Variants in ZFAND3 observed in about 807,000 individuals in gnomAD.
ZFAND3 encodes the protein AN1-type zinc finger protein 3.
ZFAND3 carries 10 observed loss-of-function variants against 29.6 expected under a neutral mutation model. That is an observed-to-expected ratio of 0.34 (90% CI 0.21 to 0.57). The LOEUF (loss-of-function observed/expected upper bound fraction) is 0.57, where lower values mean the gene tolerates loss of function less well. Among genes scored for constraint, ZFAND3 ranks in the 20% least tolerant of loss-of-function variants. ZFAND3 has a pLI of 0.86. For missense variants in ZFAND3, 230 were observed against 304.5 expected (o/e 0.76, Z 1.82); for synonymous variants, 128 against 112.6 (o/e 1.14, Z -0.87).
intron 2 of ZFAND3, among the ~76,000 whole-genome samples, chr6:38,042,140 T>C (rs1483164918): frequency 2.0e-5 from 3 of 151,122 alleles, no homozygotes; most frequent in African/African-American, 7.3e-5. Flanking sequence ...GCCTAATATA[T>C]ATCTTTTGTA....
chr6:38,010,008 G>A (rs956706911), intron 2 of ZFAND3, among the ~76,000 whole-genome samples: 4 of 152,112 alleles, frequency 2.6e-5, no homozygotes, highest in Non-Finnish European at 4.4e-5. Flanking sequence ...ATTTCTGGTC[G>A]CAAAAACATC....
chr6:37,977,522 T>G (rs1762501106), intron 2 of ZFAND3, among the ~76,000 whole-genome samples: 1 of 152,070 alleles, frequency 6.6e-6, no homozygotes, highest in Admixed American at 6.6e-5. Flanking sequence ...AGGCTGGTCT[T>G]GAACTCCTGA....
chr6:37,843,754 T>C (rs1156730909), intron 1 of ZFAND3, among the ~76,000 whole-genome samples: 5 of 152,268 alleles, frequency 3.3e-5, no homozygotes, highest in South Asian at 2.1e-4. Context: ...CTTTTTCTTT[T>C]CTAGCTGAGA....
chr6:38,094,329 G>T (rs926359602), intron 4 of ZFAND3, among the ~76,000 whole-genome samples: 1 of 138,084 alleles, frequency 7.2e-6, no homozygotes, highest in African/African-American at 2.7e-5. Context: ...TAATCCAGAA[G>T]AAAAAAAAAA....
At chr6:37,822,815 C>T (rs1232842251) in intron 1 of ZFAND3, among the ~76,000 whole-genome samples, 2 of 152,102 alleles carry the variant, frequency 1.3e-5, no homozygotes, top group East Asian at 1.9e-4. Flanking sequence ...AGTGAGAGCA[C>T]TACTCATTTG....
chr6:37,909,969 C>G (rs1561930710), intron 1 of ZFAND3, among the ~76,000 whole-genome samples: 1 of 152,138 alleles, frequency 6.6e-6, no homozygotes, highest in Non-Finnish European at 1.5e-5. Flanking sequence ...TAAAAAGCAA[C>G]TTGAATGTTT....
intron 2 of ZFAND3, among the ~76,000 whole-genome samples, chr6:38,021,010 A>G (rs921320236): frequency 6.6e-6 from 1 of 152,254 alleles, no homozygotes; most frequent in Non-Finnish European, 1.5e-5. Context: ...ACTTATATGA[A>G]CAGAAAATAT....
intron 5 of ZFAND3, among the ~76,000 whole-genome samples, chr6:38,117,566 CT>C (rs1315220242): frequency 6.6e-6 from 1 of 152,116 alleles, no homozygotes; most frequent in Non-Finnish European, 1.5e-5. Context: ...TTTTTATTTC[CT>C]GGTTTTAAAA....
At chr6:37,858,185 A>G (rs1317966771) in intron 1 of ZFAND3, among the ~76,000 whole-genome samples, 1 of 152,102 alleles carries the variant, frequency 6.6e-6, no homozygotes, top group Non-Finnish European at 1.5e-5. Flanking sequence ...CAGTCAGTCT[A>G]TGGCATCCTT....
intron 5 of ZFAND3, among the ~76,000 whole-genome samples, chr6:38,144,554 C>T (rs1766064564): frequency 6.6e-6 from 1 of 152,220 alleles, no homozygotes; most frequent in Non-Finnish European, 1.5e-5. Flanking sequence ...CAGACAGCAG[C>T]GTGCTGCCAC....
intron 1 of ZFAND3, among the ~76,000 whole-genome samples, chr6:37,856,010 GT>G (rs796742936): frequency 1.5e-4 from 22 of 145,590 alleles, no homozygotes; most frequent in South Asian, 2.2e-4. Flanking sequence ...GGTAGTTCTG[GT>G]TTTTTTTTTT....
intron 1 of ZFAND3, among the ~76,000 whole-genome samples, chr6:37,896,572 C>CTTTCTTTTCTTTCTT (rs58677123): frequency 1.4e-4 from 3 of 21,298 alleles, no homozygotes; most frequent in South Asian, 1.3e-3. Context: ...CTTTCTTTCT[C>CTTTCTTTTCTTTCTT]TCTTTCTCTC....
intron 2 of ZFAND3, among the ~76,000 whole-genome samples, chr6:38,028,500 C>T (rs1763490267): frequency 1.3e-5 from 2 of 151,742 alleles, no homozygotes; most frequent in Middle Eastern, 3.2e-3. Flanking sequence ...GGTCTATATT[C>T]CATGCTTGCT....
At chr6:37,832,492 G>A (rs150477700) in intron 1 of ZFAND3, among the ~76,000 whole-genome samples, 2 of 152,314 alleles carry the variant, frequency 1.3e-5, no homozygotes, top group African/African-American at 4.8e-5. Context: ...TGTACAGTAG[G>A]AAAAAGTTCA....
At chr6:38,118,796 G>T (rs1198794947) in intron 5 of ZFAND3, among the ~76,000 whole-genome samples, 2 of 150,746 alleles carry the variant, frequency 1.3e-5, no homozygotes, top group African/African-American at 4.9e-5. Flanking sequence ...TATGTTAGAT[G>T]ACTTCACATT....
chr6:38,015,619 A>C (rs994039086), intron 2 of ZFAND3, among the ~76,000 whole-genome samples: 1 of 152,252 alleles, frequency 6.6e-6, no homozygotes, highest in Non-Finnish European at 1.5e-5. Flanking sequence ...TTAGCAAGGA[A>C]TACATCTCAA....
At chr6:38,011,675 T>C (rs1159031982) in intron 2 of ZFAND3, among the ~76,000 whole-genome samples, 1 of 152,234 alleles carries the variant, frequency 6.6e-6, no homozygotes, top group African/African-American at 2.4e-5. Context: ...TTGTAACTTG[T>C]ATGTTCTCAG....
chr6:37,979,237 T>G (rs1354570044), intron 2 of ZFAND3, among the ~76,000 whole-genome samples: 2 of 152,216 alleles, frequency 1.3e-5, no homozygotes, highest in African/African-American at 4.8e-5. Flanking sequence ...TGTGGTGGTG[T>G]TTTAATATCC....
chr6:38,026,488 T>G (rs1763452281), intron 2 of ZFAND3, among the ~76,000 whole-genome samples: 1 of 136,740 alleles, frequency 7.3e-6, no homozygotes, highest in South Asian at 2.4e-4. Flanking sequence ...TGGAGTGAAG[T>G]GGCAGGATTT....
Sources: gnomAD v4.1 joint callset for allele counts (sites outside exome capture counted in the v4.1 genomes callset) on GRCh38, gnomAD v4.1.1 for gene constraint, MANE v1.5 for transcripts, NCBI Gene and HGNC (gene_info 2026-07-23, HGNC 2026-07-21) for gene names.